The following EPB41L4B variants were observed in gnomAD, a reference collection of about 807,000 sequenced individuals.
The protein encoded by EPB41L4B is band 4.1-like protein 4B.
EPB41L4B carries 30 observed loss-of-function variants against 112.5 expected under a neutral mutation model. The ratio of observed to expected loss-of-function variants is 0.27; its 90% CI spans 0.20 to 0.36. The LOEUF is 0.36. Ranked by LOEUF, EPB41L4B falls within the 10% of genes least tolerant of loss-of-function variation. The pLI is 1.00. For synonymous variants in EPB41L4B, 408 were observed against 439.7 expected, an observed-to-expected ratio of 0.93 and a Z score of 0.90; for missense variants, 1,024 against 1,133.3, an observed-to-expected ratio of 0.90 and a Z score of 1.38.
chr9:109,197,349 G>T (rs563439276), intron 20 of EPB41L4B, among the ~76,000 whole-genome samples: 1 of 152,162 alleles, frequency 6.6e-6, no homozygotes, highest in African/African-American at 2.4e-5. Flanking sequence ...CTTGAACCTA[G>T]GGGGCGGAGG....
chr9:109,191,844 T>C (rs951661828), intron 22 of EPB41L4B, among the ~76,000 whole-genome samples: 1 of 152,116 alleles, frequency 6.6e-6, no homozygotes, highest in African/African-American at 2.4e-5. Flanking sequence ...ATGCAGAGGA[T>C]GGAAGATGGC....
Position 109,240,415 on chromosome 9 carries a change from T to C in EPB41L4B, c.1409+3203A>G, listed in dbSNP as rs60747260. On this transcript the variant is annotated intron_variant, in intron 15 of 25. Coordinates refer to ENST00000374566, the MANE Select transcript of EPB41L4B (RefSeq NM_019114.5). The stretch of plus-strand genomic sequence containing the variant: ...GCCAAAAAAGATCAGATTTTAGTAA[T>C]AAAATATCTCAAAGGATGTCAAACA... 1.2e-3 allele frequency: 1,164 copies of C among 985,346 alleles called. 6 individuals carry two copies. In the African/African-American group the frequency reaches 0.019, roughly 16 times the overall value. The allele number at this position is 985,346 out of a possible 1,614,324, so 61.0% of individuals were successfully genotyped here. A position where few individuals can be genotyped will look rare whatever the true frequency, so the allele number is the denominator to read the frequency against.
intron 15 of EPB41L4B, among the ~76,000 whole-genome samples, chr9:109,229,872 A>C (rs1423196747): frequency 6.6e-6 from 1 of 152,130 alleles, no homozygotes; most frequent in African/African-American, 2.4e-5. Context: ...GCTATACGTC[A>C]CTTTCTATGT....
chr9:109,267,389 G>C (rs1398123005), intron 4 of EPB41L4B, 84 bp downstream of exon 4: 1 of 828,068 alleles, frequency 1.2e-6, no homozygotes, highest in East Asian at 2.5e-5. Context: ...CAGAAGAAGA[G>C]GCAAACCCAC....
chr9:109,226,078 A>T (rs553839552), intron 15 of EPB41L4B, among the ~76,000 whole-genome samples: 1 of 152,268 alleles, frequency 6.6e-6, no homozygotes, highest in African/African-American at 2.4e-5. Flanking sequence ...TGAACTTGTG[A>T]TGCCATCTTC....
intron 11 of EPB41L4B, among the ~76,000 whole-genome samples, chr9:109,254,276 C>T (rs1834900229): frequency 6.6e-6 from 1 of 152,232 alleles, no homozygotes; most frequent in African/African-American, 2.4e-5. Context: ...CGCCTCACTC[C>T]ACTCCGAGTA....
chr9:109,281,385 C>T (rs1305655306), intron 1 of EPB41L4B, among the ~76,000 whole-genome samples: 6 of 152,158 alleles, frequency 3.9e-5, no homozygotes, highest in Non-Finnish European at 5.9e-5. Context: ...CAATCAAATA[C>T]TATGTCACAC....
chr9:109,175,081 TA>T (rs1382573871), intron 25 of EPB41L4B, among the ~76,000 whole-genome samples: 6 of 151,552 alleles, frequency 4.0e-5, no homozygotes, highest in African/African-American at 1.5e-4. Context: ...CATGCCAAGC[TA>T]ATTTTTTGTA....
intron 18 of EPB41L4B, among the ~76,000 whole-genome samples, chr9:109,206,694 T>C (rs1833002917): frequency 6.6e-6 from 1 of 152,234 alleles, no homozygotes; most frequent in Non-Finnish European, 1.5e-5. Context: ...GGATACCTGT[T>C]ATGAGTTCAA....
chr9:109,183,022 A>G (rs1338000868), intron 23 of EPB41L4B, among the ~76,000 whole-genome samples: 2 of 152,182 alleles, frequency 1.3e-5, no homozygotes, highest in African/African-American at 4.8e-5. Context: ...CAGGGATGAC[A>G]GCCTGGAGTC....
At chr9:109,209,590 T>A (rs1033088134) in intron 17 of EPB41L4B, among the ~76,000 whole-genome samples, 1 of 148,678 alleles carries the variant, frequency 6.7e-6, no homozygotes, top group South Asian at 2.1e-4. Flanking sequence ...GAGGTTGCAG[T>A]GAGCCAAGAC....
intron 5 of EPB41L4B, among the ~76,000 whole-genome samples, chr9:109,264,422 G>T (rs765598236): frequency 1.9e-4 from 29 of 152,214 alleles, no homozygotes; most frequent in Non-Finnish European, 3.7e-4. Context: ...TATCTTTACG[G>T]TAAATTAAGA....
rs138315277 is a variant in EPB41L4B at position 109,291,342 on chromosome 9, C to T, written c.307-11421G>A. On this transcript the variant is annotated intron_variant, in intron 1 of 25. Coordinates refer to ENST00000374566, the MANE Select transcript of EPB41L4B (RefSeq NM_019114.5). ...ACATAAATACTGAAAGCCTACTCCACGCATGGTCTTGGCTAGGGTTGGGAT... is the reference window on the plus strand; with the variant it reads ...ACATAAATACTGAAAGCCTACTCCATGCATGGTCTTGGCTAGGGTTGGGAT... Among the ~76,000 whole-genome samples, 1,324 of 152,274 alleles carry T rather than the reference C, an allele frequency of 8.7e-3. 9 individuals are homozygous for T. Among genetic ancestry groups the T allele is most frequent in the Non-Finnish European group, 0.013 (869 of 68,034 alleles).
In EPB41L4B at chr9:109,172,445, T is replaced by C. The variant is rs1356594258; in HGVS notation, c.*2109A>G. The C allele has an allele frequency of 1.3e-5, 2 of 152,152 alleles. No individual in the cohort carries two copies. 9.4% of individuals were successfully genotyped at this position (152,152 alleles called of 1,614,324 possible). ...GTTTTAAAAGTATAGCCGGGGGACA[T>C]AGGGGTAAAAGGACCCAAACGCTAC... On this transcript the variant is annotated 3_prime_UTR_variant, in exon 26 of 26. Coordinates refer to ENST00000374566, the MANE Select transcript of EPB41L4B (RefSeq NM_019114.5).
At chr9:109,259,155 C>A (rs1171861447) in intron 6 of EPB41L4B, among the ~76,000 whole-genome samples, 1 of 152,164 alleles carries the variant, frequency 6.6e-6, no homozygotes, top group African/African-American at 2.4e-5. Context: ...TGGGAGCTTG[C>A]CCAAAACGCA....
rs551535197 is a variant in EPB41L4B, at chr9:109,190,359, G to A, written c.2301+1919C>T. Among the ~76,000 whole-genome samples the A allele has an allele frequency of 8.5e-5, 13 of 152,352 alleles. No homozygotes were observed. In the East Asian group the frequency reaches 9.6e-4, roughly 11 times the overall value. Reference sequence around the variant, plus strand: ...ATGGGAAGTTCTGACATTCATGCCCGTAAAGGGCTGCTTCCTCTTCAGCAG... The same window carrying A: ...ATGGGAAGTTCTGACATTCATGCCCATAAAGGGCTGCTTCCTCTTCAGCAG... On this transcript the variant is annotated intron_variant, in intron 22 of 25. Transcript: ENST00000374566.
At chr9:109,248,594 G>A (rs1834648411) in intron 13 of EPB41L4B, among the ~76,000 whole-genome samples, 1 of 152,094 alleles carries the variant, frequency 6.6e-6, no homozygotes, top group African/African-American at 2.4e-5. Flanking sequence ...TCCTCATCAT[G>A]ATCCTATTTC....
chr9:109,243,504 T>G, intron 15 of EPB41L4B, 114 bp downstream of exon 15: 1 of 915,354 alleles, frequency 1.1e-6, no homozygotes, highest in Admixed American at 2.3e-5. Flanking sequence ...TGACAATGCA[T>G]CCCTTAAGGG....
At chr9:109,253,224 G>GAA (rs1834858942) in intron 12 of EPB41L4B, among the ~76,000 whole-genome samples, 1 of 152,142 alleles carries the variant, frequency 6.6e-6, no homozygotes, top group Non-Finnish European at 1.5e-5. Context: ...AGAAAGGGGA[G>GAA]AAATAAATGA....
Sources: allele counts gnomAD v4.1 joint callset (sites outside exome capture counted in the v4.1 genomes callset), GRCh38; gene constraint gnomAD v4.1.1; transcripts MANE v1.5; gene names NCBI Gene and HGNC (gene_info 2026-07-23, HGNC 2026-07-21).